The following ITPR1 variants were observed in gnomAD, a reference collection of about 807,000 sequenced individuals.
ITPR1 encodes inositol 1,4,5-trisphosphate receptor type 1.
ITPR1 carries 96 observed loss-of-function variants against 318.4 expected under a neutral mutation model. That is an observed-to-expected ratio of 0.30 (90% CI 0.26 to 0.36). The LOEUF is 0.36. Ranked by LOEUF, ITPR1 falls within the 10% of genes least tolerant of loss-of-function variation. The probability of loss-of-function intolerance (pLI) is 1.00; values close to 1 mark genes in which losing one functional copy is unlikely to be tolerated. For missense variants in ITPR1, 2,440 were observed against 3,460.2 expected (o/e 0.71, Z 7.40); for synonymous variants, 1,312 against 1,289.9 (o/e 1.02, Z -0.37).
intron 4 of ITPR1, among the ~76,000 whole-genome samples, chr3:4,537,104 C>T (rs1422958018): frequency 1.3e-5 from 2 of 152,300 alleles, no homozygotes; most frequent in Admixed American, 1.3e-4. Context: ...ACCTTGGTTT[C>T]TTGTCCTGTC....
rs903666966 is a variant in ITPR1, at chr3:4,760,737, T to C, written c.5545-5793T>C. Reference sequence around the variant, plus strand: ...CATCCCTTGGCTTGTGGCTCCTTCCTCCATCTTCAGGTTTAGCAATGGTGA... The same window carrying C: ...CATCCCTTGGCTTGTGGCTCCTTCCCCCATCTTCAGGTTTAGCAATGGTGA... On this transcript the variant is annotated intron_variant, in intron 44 of 61. Transcript: ENST00000649015. Among the ~76,000 whole-genome samples, 9 of 152,164 alleles carry C rather than the reference T, an allele frequency of 5.9e-5. No individual in the cohort carries two copies. In the South Asian group the frequency reaches 8.3e-4, roughly 14 times the overall value.
Position 4,693,494 on chromosome 3 carries a change from T to C in ITPR1, c.4034T>C (p.Val1345Ala). 1 of 1,613,364 alleles carries C rather than the reference T, an allele frequency of 6.2e-7. No homozygotes were observed. Among genetic ancestry groups the C allele is most frequent in the East Asian group, 2.2e-5 (1 of 44,878 alleles). Reference sequence around the variant, plus strand: ...CCCACCCTGTTCTTTATGTAGCTGGTCAATTCGGGAGAGGATGTCCTCGTG... The same window carrying C: ...CCCACCCTGTTCTTTATGTAGCTGGCCAATTCGGGAGAGGATGTCCTCGTG... ...KCQDMVMAELVNSGEDVLVFY... is the reference protein window; with the variant it reads ...KCQDMVMAELANSGEDVLVFY... Residue 1345 changes from valine (V) to alanine (A), a missense_variant, in exon 33 of 62, where the codon GTC becomes GCC. Transcript: ENST00000649015.
intron 4 of ITPR1, among the ~76,000 whole-genome samples, chr3:4,607,159 A>G (rs2091761109): frequency 6.6e-6 from 1 of 152,186 alleles, no homozygotes; most frequent in African/African-American, 2.4e-5. Context: ...CTTGAGTCCT[A>G]GAACCTTGTT....
chr3:4,632,501 A>G (rs1367480375), intron 5 of ITPR1, among the ~76,000 whole-genome samples: 1 of 152,186 alleles, frequency 6.6e-6, no homozygotes, highest in Non-Finnish European at 1.5e-5. Context: ...CTGCTTGGGA[A>G]TGTGGGCTGA....
intron 28 of ITPR1, 119 bp from the exon 29 acceptor site, chr3:4,684,162 T>C (rs759105019): frequency 2.0e-5 from 14 of 710,208 alleles, no homozygotes; most frequent in Non-Finnish European, 3.2e-5. Flanking sequence ...AAGCCCAGCA[T>C]GACTATTGTA....
At chr3:4,713,816 G>A (rs1189569655) in intron 39 of ITPR1, among the ~76,000 whole-genome samples, 2 of 152,174 alleles carry the variant, frequency 1.3e-5, no homozygotes, top group African/African-American at 2.4e-5. Flanking sequence ...AGAAGAGATG[G>A]CCTTTCTTTC....
chr3:4,825,912 A>T (rs745569021), intron 60 of ITPR1: 22 of 396,200 alleles, frequency 5.6e-5, no homozygotes, highest in Non-Finnish European at 7.6e-5. Flanking sequence ...GGGGGAAAAG[A>T]TGGTGGCAGC....
At chr3:4,519,522 GC>G (rs1462740866) in intron 3 of ITPR1, among the ~76,000 whole-genome samples, 3 of 152,166 alleles carry the variant, frequency 2.0e-5, no homozygotes, top group Non-Finnish European at 4.4e-5. Context: ...ACCATGCCTG[GC>G]CATGGCTTGA....
intron 44 of ITPR1, among the ~76,000 whole-genome samples, chr3:4,760,492 T>C (rs1247209294): frequency 6.6e-6 from 1 of 152,250 alleles, no homozygotes; most frequent in Non-Finnish European, 1.5e-5. Flanking sequence ...TTTGATTCGA[T>C]ATGACAAATG....
Position 4,515,168 on chromosome 3 carries a change from G to A in ITPR1, c.-16-1308G>A, listed in dbSNP as rs185631421. The stretch of plus-strand genomic sequence containing the variant: ...AGCTTTTCCCTGCAGCTTCTCATAA[G>A]CAGTGAACTGAGGTTCTTTAACATA... On this transcript the variant is annotated intron_variant, in intron 2 of 61. Coordinates refer to ENST00000649015, the MANE Select transcript of ITPR1 (RefSeq NM_001378452.1). Among the ~76,000 whole-genome samples the A allele has an allele frequency of 1.7e-3, 260 of 152,328 alleles. 1 individual carries two copies. The highest frequency in any genetic ancestry group is 0.015 in the Admixed American group (228 of 15,304).
intron 4 of ITPR1, among the ~76,000 whole-genome samples, chr3:4,603,326 A>T (rs1273616485): frequency 6.6e-6 from 1 of 152,122 alleles, no homozygotes; most frequent in African/African-American, 2.4e-5. Context: ...TTGGGGTATG[A>T]ATGATCACCC....
intron 24 of ITPR1, 66 bp from the exon 25 acceptor site, chr3:4,680,487 G>T: frequency 1.4e-6 from 2 of 1,456,702 alleles, no homozygotes; most frequent in Non-Finnish European, 1.9e-6. Flanking sequence ...GTGTGTGGTG[G>T]CTTGGCAGAG....
Position 4,768,621 on chromosome 3 carries a change from G to A in ITPR1, c.5836G>A (p.Asp1946Asn), listed in dbSNP as rs752399025. The A allele has an allele frequency of 1.4e-5, 23 of 1,613,860 alleles. No individual in the cohort carries two copies. The highest frequency in any genetic ancestry group is 1.1e-4 in the South Asian group (10 of 91,070). ...TTTCAGGAGGGAGGCTGATCCCGAC[G>A]ACCACTACCAGCCTGGAGAGGGCAC... The part of the protein sequence containing the change: ...TTFRREADPD[D>N]HYQPGEGTQA... Residue 1946 changes from aspartate to asparagine, a missense_variant, in exon 46 of 62, where the codon GAC becomes AAC. Around this residue, in one of 23 missense-constraint regions of ITPR1, gnomAD observed 113 missense variants for 103.6 expected, o/e 1.09. Transcript: ENST00000649015.
In ITPR1 at chr3:4,587,057, G is replaced by A. The variant is rs566873343; in HGVS notation, c.164-40706G>A. On this transcript the variant is annotated intron_variant, in intron 4 of 61. Coordinates refer to ENST00000649015, the MANE Select transcript of ITPR1 (RefSeq NM_001378452.1). ...CATCCTTGCAGTTGGTATAAGACTC[G>A]GGAATAAATATTTTTTACATTTCCC... 4.6e-5 allele frequency among the ~76,000 whole-genome samples: 7 copies of A among 152,126 alleles called. No homozygotes were observed. In the East Asian group the frequency reaches 1.2e-3, roughly 25 times the overall value.
intron 39 of ITPR1, among the ~76,000 whole-genome samples, chr3:4,714,030 GAGA>G (rs2041581895): frequency 6.6e-6 from 1 of 152,194 alleles, no homozygotes; most frequent in Non-Finnish European, 1.5e-5. Flanking sequence ...TCAAAAGAGA[GAGA>G]AGGAGAACAA....
At chr3:4,574,072 G>C (rs369110361) in intron 4 of ITPR1, among the ~76,000 whole-genome samples, 1 of 152,220 alleles carries the variant, frequency 6.6e-6, no homozygotes, top group East Asian at 1.9e-4. Context: ...GGCGCCTTAG[G>C]TGGAGGTGGT....
intron 2 of ITPR1, among the ~76,000 whole-genome samples, chr3:4,509,455 C>A (rs2081635560): frequency 6.6e-6 from 1 of 152,182 alleles, no homozygotes; most frequent in Admixed American, 6.5e-5. Flanking sequence ...TGTTCTTGAT[C>A]TAACACTGTA....
At chr3:4,531,202 T>C (rs767040346) in intron 4 of ITPR1, among the ~76,000 whole-genome samples, 1 of 152,166 alleles carries the variant, frequency 6.6e-6, no homozygotes, top group Non-Finnish European at 1.5e-5. Context: ...GTTGGGCTGC[T>C]CAGAAAACAC....
intron 54 of ITPR1, among the ~76,000 whole-genome samples, chr3:4,805,262 G>A (rs2048484090): frequency 6.6e-6 from 1 of 152,208 alleles, no homozygotes; most frequent in Admixed American, 6.5e-5. Flanking sequence ...CCCAGTGCTG[G>A]TGGTGCCTTC....
Sources: gnomAD v4.1 joint callset for allele counts (sites outside exome capture counted in the v4.1 genomes callset) on GRCh38, gnomAD v4.1.1 for gene constraint, gnomAD v4.1.1 regional missense constraint, MANE v1.5 for transcripts, NCBI Gene and HGNC (gene_info 2026-07-23, HGNC 2026-07-21) for gene names.